PPCDC: variants seen among roughly 807,000 people sequenced by gnomAD.
PPCDC encodes the protein phosphopantothenoylcysteine decarboxylase.
A neutral mutation model predicts 20.7 loss-of-function variants in PPCDC; 20 were observed. That is an observed-to-expected ratio of 0.97 (90% CI 0.68 to 1.41). The LOEUF (loss-of-function observed/expected upper bound fraction) is 1.41. Ranked by LOEUF, PPCDC falls within the 40% of genes most tolerant of loss-of-function variation. The probability of loss-of-function intolerance (pLI) is 0.00; values close to 1 mark genes in which losing one functional copy is unlikely to be tolerated. For synonymous variants in PPCDC, 88 were observed against 100.3 expected (o/e 0.88, Z 0.73); for missense variants, 246 against 263.8 (o/e 0.93, Z 0.47).
In PPCDC at chr15:75,049,694, C is replaced by G. The variant is rs937078527; in HGVS notation, c.*459C>G. The G allele has an allele frequency of 7.5e-5, 12 of 160,624 alleles. No individual in the cohort carries two copies. Among genetic ancestry groups the G allele is most frequent in the African/African-American group, 2.6e-4 (11 of 41,566 alleles). 9.9% of individuals were successfully genotyped at this position (160,624 alleles called of 1,614,324 possible). A position where few individuals can be genotyped will look rare whatever the true frequency, so the allele number is the denominator to read the frequency against. On this transcript the variant is annotated 3_prime_UTR_variant, in exon 6 of 6. Transcript: ENST00000342932. ...CAGGACTCTGAGGTTTCCTGCAGAC[C>G]ATGCCATGAGATTGAAGGTGCGGGG...
At chr15:75,030,067 G>A (rs2066003811) in intron 2 of PPCDC, among the ~76,000 whole-genome samples, 5 of 152,218 alleles carry the variant, frequency 3.3e-5, no homozygotes, top group Admixed American at 2.6e-4. Flanking sequence ...GGCAGGCCAT[G>A]TCTGGAACAG....
chr15:75,043,495 G>A lies in PPCDC; in HGVS notation c.190G>A (p.Asp64Asn), dbSNP rs1238326836. 2 of 1,612,842 alleles carry A rather than the reference G, an allele frequency of 1.2e-6. No homozygotes were observed. Among genetic ancestry groups the A allele is most frequent in the Admixed American group, 3.3e-5 (2 of 59,816 alleles). ...ERAKHFYSPQ[D>N]IPVTLYSDAD... ...AGCCAAACATTTCTACAGCCCCCAG[G>A]ACATTCCTGTCACCCTCTACAGCGA... is the stretch of plus-strand genomic sequence containing the variant. The change falls in exon 3 of 6, where the codon GAC becomes AAC. Residue 64 changes from aspartate (D) to asparagine (N), a missense_variant. Around this residue, in one of 2 missense-constraint regions of PPCDC, gnomAD observed 225 missense variants for 222.6 expected, o/e 1.01. Transcript: ENST00000342932.
At chr15:75,040,382 T>C (rs1196347341) in intron 2 of PPCDC, among the ~76,000 whole-genome samples, 1 of 152,180 alleles carries the variant, frequency 6.6e-6, no homozygotes, top group African/African-American at 2.4e-5. Flanking sequence ...TTAGATCGTT[T>C]TAAAAAAAAT....
At chr15:75,035,003 C>T (rs1397095996) in intron 2 of PPCDC, among the ~76,000 whole-genome samples, 1 of 150,012 alleles carries the variant, frequency 6.7e-6, no homozygotes, top group Admixed American at 6.7e-5. Flanking sequence ...CAGCCGCTTG[C>T]CACATTCAAA....
intron 2 of PPCDC, among the ~76,000 whole-genome samples, chr15:75,041,949 C>A (rs1410624072): frequency 6.6e-6 from 1 of 152,204 alleles, no homozygotes; most frequent in Non-Finnish European, 1.5e-5. Context: ...GCACGTCCTA[C>A]AGAGTGAGAG....
Position 75,037,566 on chromosome 15 carries a change from G to C in PPCDC, c.136-5875G>C, listed in dbSNP as rs138587125. Among the ~76,000 whole-genome samples the C allele has an allele frequency of 5.2e-3, 795 of 152,298 alleles. 8 individuals carry two copies. The highest frequency in any genetic ancestry group is 0.018 in the African/African-American group (742 of 41,554). ...GTTCGAGACCAGCCTGGCCAACATG[G>C]TGAAATCCTGTCTCTAGTAAAAATT... On this transcript the variant is annotated intron_variant, in intron 2 of 5. Transcript: ENST00000342932.
intron 1 of PPCDC, among the ~76,000 whole-genome samples, chr15:75,024,710 T>C (rs1288170783): frequency 1.3e-5 from 2 of 151,392 alleles, no homozygotes; most frequent in Non-Finnish European, 2.9e-5. Flanking sequence ...CTCACTCTTG[T>C]CTCCCAGGCT....
intron 2 of PPCDC, among the ~76,000 whole-genome samples, chr15:75,035,186 A>C (rs1053240216): frequency 1.5e-4 from 23 of 152,140 alleles, no homozygotes; most frequent in African/African-American, 5.1e-4. Context: ...AATGCTGTAG[A>C]GTTGTGGTTC....
At chr15:75,032,727 C>G (rs1389145019) in intron 2 of PPCDC, among the ~76,000 whole-genome samples, 1 of 123,118 alleles carries the variant, frequency 8.1e-6, no homozygotes, top group Non-Finnish European at 1.7e-5. Context: ...AAACTGGACC[C>G]CCCCCCCCAA....
intron 1 of PPCDC, among the ~76,000 whole-genome samples, chr15:75,025,050 T>G (rs935416605): frequency 6.6e-6 from 1 of 152,154 alleles, no homozygotes; most frequent in Non-Finnish European, 1.5e-5. Flanking sequence ...CCCAAGTAGT[T>G]GAGACCACAG....
At chr15:75,039,543 T>G (rs2066127921) in intron 2 of PPCDC, among the ~76,000 whole-genome samples, 1 of 152,228 alleles carries the variant, frequency 6.6e-6, no homozygotes, top group Admixed American at 6.5e-5. Context: ...GCTATCTGCC[T>G]CATGCTCACC....
At chr15:75,045,286 CAG>C (rs1271569047) in intron 4 of PPCDC, 2 of 152,398 alleles carry the variant, frequency 1.3e-5, no homozygotes, top group Non-Finnish European at 2.9e-5. Flanking sequence ...TCACAGGACA[CAG>C]GGAGCTCCCA....
At chr15:75,048,259 C>A (rs1187694188) in intron 4 of PPCDC, among the ~76,000 whole-genome samples, 1 of 152,178 alleles carries the variant, frequency 6.6e-6, no homozygotes, top group Non-Finnish European at 1.5e-5. Flanking sequence ...GTTGCTTTTC[C>A]CAGGAGGTGT....
intron 2 of PPCDC, among the ~76,000 whole-genome samples, chr15:75,031,608 G>A (rs1209301654): frequency 1.3e-5 from 2 of 152,124 alleles, no homozygotes; most frequent in Admixed American, 6.5e-5. Context: ...GGAGGCGGAG[G>A]CAGGAGAATC....
chr15:75,048,681 G>A lies in PPCDC; in HGVS notation c.489G>A (p.Glu163=). ...VDQLKAFGYV[E]IPCVAKKLVC... ...AGCTCAAGGCCTTTGGCTATGTCGA[G>A]ATCCCCTGTGTGGCCAAGAAGCTGG... Residue 163 remains glutamate, a synonymous_variant, in exon 5 of 6, where the codon GAG becomes GAA. Transcript: ENST00000342932. The A allele has an allele frequency of 3.7e-6, 6 of 1,614,228 alleles. No individual in the cohort carries two copies. Among genetic ancestry groups the A allele is most frequent in the Non-Finnish European group, 5.1e-6 (6 of 1,180,018 alleles).
intron 2 of PPCDC, among the ~76,000 whole-genome samples, chr15:75,029,165 C>G (rs943133069): frequency 1.3e-5 from 2 of 152,118 alleles, no homozygotes; most frequent in African/African-American, 4.8e-5. Context: ...TCTTATCCCC[C>G]TTGGTCTTTG....
chr15:75,038,130 G>C (rs2066108199), intron 2 of PPCDC, among the ~76,000 whole-genome samples: 1 of 152,166 alleles, frequency 6.6e-6, no homozygotes, highest in Non-Finnish European at 1.5e-5. Flanking sequence ...TGAGGCCTTT[G>C]ATGGAATCCT....
intron 4 of PPCDC, among the ~76,000 whole-genome samples, chr15:75,046,312 G>C (rs1486450962): frequency 6.6e-6 from 1 of 152,262 alleles, no homozygotes; most frequent in African/African-American, 2.4e-5. Flanking sequence ...TCATCAAATT[G>C]GGTCAGAGTT....
intron 2 of PPCDC, among the ~76,000 whole-genome samples, chr15:75,033,108 T>C (rs2066043424): frequency 6.6e-6 from 1 of 152,184 alleles, no homozygotes; most frequent in Non-Finnish European, 1.5e-5. Flanking sequence ...TGGCCTGATT[T>C]TTACATTTTT....
Sources: allele counts gnomAD v4.1 joint callset (sites outside exome capture counted in the v4.1 genomes callset), GRCh38; gene constraint gnomAD v4.1.1; regional missense constraint gnomAD v4.1.1; transcripts MANE v1.5; gene names NCBI Gene and HGNC (gene_info 2026-07-23, HGNC 2026-07-21).